The following CTNNA3 variants were observed in gnomAD, a reference collection of about 807,000 sequenced individuals.
CTNNA3 encodes the protein catenin alpha-3.
In CTNNA3, 76 loss-of-function variants were observed where a neutral mutation model predicts 95.7. That is an observed-to-expected ratio of 0.79 (90% CI 0.66 to 0.96). The LOEUF (loss-of-function observed/expected upper bound fraction) is 0.96, where lower values mean the gene tolerates loss of function less well. CTNNA3 is among the 40% of genes least tolerant of loss of function. The pLI is 0.00. For missense variants in CTNNA3, 1,191 were observed against 1,089.8 expected (o/e 1.09, Z -1.31); for synonymous variants, 431 against 374.4 (o/e 1.15, Z -1.74).
intron 7 of CTNNA3, among the ~76,000 whole-genome samples, chr10:66,907,119 G>A (rs939880651): frequency 2.6e-5 from 4 of 152,054 alleles, no homozygotes; most frequent in African/African-American, 9.7e-5. Flanking sequence ...ATGTATCTCT[G>A]TTCATTCTGT....
chr10:67,268,832 G>A (rs1490469660), intron 5 of CTNNA3, among the ~76,000 whole-genome samples: 1 of 152,094 alleles, frequency 6.6e-6, no homozygotes, highest in African/African-American at 2.4e-5. Flanking sequence ...GGGGATAAAA[G>A]TTAAAATATC....
intron 13 of CTNNA3, among the ~76,000 whole-genome samples, chr10:66,203,323 AG>A: frequency 6.6e-6 from 1 of 152,316 alleles, no homozygotes; most frequent in East Asian, 1.9e-4. Context: ...CAAGATTGTA[AG>A]TATAAACTAA....
intron 7 of CTNNA3, among the ~76,000 whole-genome samples, chr10:66,944,899 G>T (rs1463942199): frequency 6.6e-6 from 1 of 152,082 alleles, no homozygotes; most frequent in Non-Finnish European, 1.5e-5. Flanking sequence ...TCTTTTTTTA[G>T]CACTAGGACT....
At chr10:67,039,200 CA>C (rs1463089429) in intron 7 of CTNNA3, among the ~76,000 whole-genome samples, 1 of 152,098 alleles carries the variant, frequency 6.6e-6, no homozygotes, top group Non-Finnish European at 1.5e-5. Flanking sequence ...TACAACTTCA[CA>C]AACTGTAACT....
chr10:66,811,391 C>T (rs574601402), intron 7 of CTNNA3, among the ~76,000 whole-genome samples: 34 of 152,266 alleles, frequency 2.2e-4, no homozygotes, highest in African/African-American at 8.2e-4. Flanking sequence ...AATAGAATCA[C>T]AGATCATGGA....
At chr10:66,796,516 A>C (rs1230089530) in intron 7 of CTNNA3, among the ~76,000 whole-genome samples, 1 of 152,122 alleles carries the variant, frequency 6.6e-6, no homozygotes, top group African/African-American at 2.4e-5. Flanking sequence ...TAATTTAAAA[A>C]TTTAAAATAT....
chr10:66,929,009 G>A (rs1314031140), intron 7 of CTNNA3, among the ~76,000 whole-genome samples: 1 of 152,204 alleles, frequency 6.6e-6, no homozygotes, highest in Non-Finnish European at 1.5e-5. Flanking sequence ...GATGGTGCTA[G>A]GTTAAAGCAG....
At chr10:67,044,215 CAA>C (rs1854585827) in intron 7 of CTNNA3, among the ~76,000 whole-genome samples, 1 of 152,050 alleles carries the variant, frequency 6.6e-6, no homozygotes, top group African/African-American at 2.4e-5. Flanking sequence ...AATATGGCTG[CAA>C]CATAGTAGGC....
chr10:66,270,011 T>G (rs1447862003), intron 13 of CTNNA3, among the ~76,000 whole-genome samples: 1 of 152,196 alleles, frequency 6.6e-6, no homozygotes, highest in Non-Finnish European at 1.5e-5. Flanking sequence ...AAAACCATCT[T>G]AAATAAGAGA....
intron 13 of CTNNA3, among the ~76,000 whole-genome samples, chr10:66,196,992 C>G (rs2086998675): frequency 6.7e-6 from 1 of 149,132 alleles, no homozygotes; most frequent in African/African-American, 2.5e-5. Context: ...TAACACATAT[C>G]CAGTGATCAT....
intron 15 of CTNNA3, among the ~76,000 whole-genome samples, chr10:66,058,706 G>GTT (rs1452000543): frequency 6.6e-6 from 1 of 152,084 alleles, no homozygotes; most frequent in Non-Finnish European, 1.5e-5. Flanking sequence ...AATGGACAGA[G>GTT]TAAGAAAACA....
chr10:67,278,655 C>T (rs1839280896), intron 5 of CTNNA3, among the ~76,000 whole-genome samples: 1 of 152,100 alleles, frequency 6.6e-6, no homozygotes, highest in Non-Finnish European at 1.5e-5. Flanking sequence ...TAAAAACTTA[C>T]CTGCCTTTCA....
At chr10:66,316,687 C>G (rs962997128) in intron 12 of CTNNA3, among the ~76,000 whole-genome samples, 32 of 152,144 alleles carry the variant, frequency 2.1e-4, no homozygotes, top group Admixed American at 9.2e-4. Flanking sequence ...TCCACACAGA[C>G]AGTGGCCCAG....
Position 66,766,254 on chromosome 10 carries a change from G to T in CTNNA3, c.1281+10C>A, listed in dbSNP as rs1321258902. 6.2e-7 allele frequency: 1 copy of T among 1,612,512 alleles called. No homozygotes were observed. On this transcript the variant is annotated intron_variant, in intron 9 of 17. Coordinates refer to ENST00000433211, the MANE Select transcript of CTNNA3 (RefSeq NM_013266.4). ...TGGACTTTAGTGAGTTACAGTTCTA[G>T]CATGCTTACCTCTACAAGCCTGCTG...
intron 7 of CTNNA3, among the ~76,000 whole-genome samples, chr10:66,907,687 G>C (rs191870523): frequency 4.7e-4 from 72 of 152,188 alleles, no homozygotes; most frequent in African/African-American, 1.5e-3. Flanking sequence ...ATCAATTATA[G>C]TTCAGAGAAC....
chr10:67,522,516 CTT>C (rs929055962), intron 4 of CTNNA3, among the ~76,000 whole-genome samples: 2 of 152,006 alleles, frequency 1.3e-5, no homozygotes, highest in African/African-American at 2.4e-5. Flanking sequence ...GGAAGGAAAA[CTT>C]AACATTTTGA....
chr10:66,279,862 T>C (rs1205291772), intron 13 of CTNNA3, among the ~76,000 whole-genome samples: 3 of 152,052 alleles, frequency 2.0e-5, no homozygotes, highest in Non-Finnish European at 4.4e-5. Flanking sequence ...ACATTAATAA[T>C]TGAGGGAAAA....
chr10:66,472,543 T>C (rs1454226118), intron 11 of CTNNA3, among the ~76,000 whole-genome samples: 3 of 152,118 alleles, frequency 2.0e-5, no homozygotes, highest in Non-Finnish European at 4.4e-5. Flanking sequence ...GCCAATATAT[T>C]TTTAAAGTTA....
chr10:66,267,153 A>G (rs2091177930), intron 13 of CTNNA3, among the ~76,000 whole-genome samples: 1 of 152,082 alleles, frequency 6.6e-6, no homozygotes, highest in South Asian at 2.1e-4. Context: ...TACTAAGCCT[A>G]GTAATTCCGT....
Sources: allele counts gnomAD v4.1 joint callset (sites outside exome capture counted in the v4.1 genomes callset), GRCh38; gene constraint gnomAD v4.1.1; transcripts MANE v1.5; gene names NCBI Gene and HGNC (gene_info 2026-07-23, HGNC 2026-07-21).